CA10: variants seen among roughly 807,000 people sequenced by gnomAD.
The protein encoded by CA10 is carbonic anhydrase 10 (inactive).
Under a neutral mutation model 44.2 loss-of-function variants are expected in CA10, and 14 were observed. The observed-to-expected ratio is 0.32, with a 90% CI of 0.21 to 0.50. CA10 has a LOEUF of 0.50. Among genes scored for constraint, CA10 ranks in the 20% least tolerant of loss-of-function variants. The pLI is 0.99. For synonymous variants in CA10, 159 were observed against 141.6 expected (o/e 1.12, Z -0.87); for missense variants, 350 against 409.7 (o/e 0.85, Z 1.26).
chr17:51,775,232 G>A (rs1905775103), intron 3 of CA10, among the ~76,000 whole-genome samples: 1 of 152,164 alleles, frequency 6.6e-6, no homozygotes, highest in African/African-American at 2.4e-5. Flanking sequence ...TTACTCTCTT[G>A]GCTGTGCTGG....
chr17:51,787,010 C>G (rs1321547279), intron 3 of CA10, among the ~76,000 whole-genome samples: 2 of 152,154 alleles, frequency 1.3e-5, no homozygotes. Context: ...ATCTTTGCAT[C>G]CCAGGGATAA....
intron 2 of CA10, among the ~76,000 whole-genome samples, chr17:52,064,539 T>G (rs1265081585): frequency 1.3e-5 from 2 of 149,162 alleles, no homozygotes; most frequent in African/African-American, 2.5e-5. Context: ...AAGAAGAGCT[T>G]ACACTCCTTA....
intron 1 of CA10, among the ~76,000 whole-genome samples, chr17:52,086,088 T>C (rs930857493): frequency 6.6e-6 from 1 of 152,218 alleles, no homozygotes; most frequent in African/African-American, 2.4e-5. Flanking sequence ...ACTCATTATG[T>C]TTGCATACTC....
chr17:51,977,197 A>C (rs910384076), intron 2 of CA10, among the ~76,000 whole-genome samples: 1 of 152,016 alleles, frequency 6.6e-6, no homozygotes, highest in Non-Finnish European at 1.5e-5. Flanking sequence ...TGAAAATAGC[A>C]TATCTTTGAT....
intron 4 of CA10, among the ~76,000 whole-genome samples, chr17:51,655,653 T>C (rs1913766882): frequency 6.6e-6 from 1 of 152,214 alleles, no homozygotes; most frequent in Non-Finnish European, 1.5e-5. Context: ...CATCAAAAGC[T>C]TACCAGCTAG....
chr17:51,755,164 G>T (rs1377564884), intron 3 of CA10, among the ~76,000 whole-genome samples: 1 of 152,134 alleles, frequency 6.6e-6, no homozygotes, highest in Non-Finnish European at 1.5e-5. Flanking sequence ...AACTTTTCTT[G>T]TTAAAGAACA....
At chr17:51,835,109 GTAGA>G (rs1908428000) in intron 3 of CA10, among the ~76,000 whole-genome samples, 1 of 152,172 alleles carries the variant, frequency 6.6e-6, no homozygotes. Flanking sequence ...CAATGGTGTT[GTAGA>G]TAAACATCTT....
At chr17:52,142,851 A>C (rs1411880003) in intron 1 of CA10, among the ~76,000 whole-genome samples, 2 of 152,230 alleles carry the variant, frequency 1.3e-5, no homozygotes, top group Non-Finnish European at 2.9e-5. Context: ...TAACTTACCC[A>C]AAGCCAACCA....
rs183325391 is a variant in CA10 at position 52,005,979 on chromosome 17, A to G, written c.136+66340T>C. Among the ~76,000 whole-genome samples the G allele has an allele frequency of 5.2e-4, 79 of 151,950 alleles. No homozygotes were observed. The Middle Eastern group carries it at 0.02, about 39-fold the overall frequency. On this transcript the variant is annotated intron_variant, in intron 2 of 8. Transcript: ENST00000451037. The stretch of plus-strand genomic sequence containing the variant: ...ACTGCCTTTATGTATAAAAATTTCC[A>G]TCACACAGAGAGCGTCCTTTGTTCT...
chr17:52,081,501 A>G (rs1407425906), intron 1 of CA10, among the ~76,000 whole-genome samples: 2 of 152,188 alleles, frequency 1.3e-5, no homozygotes, highest in Non-Finnish European at 2.9e-5. Context: ...ATAGAACATC[A>G]TAAGATTTAG....
intron 3 of CA10, among the ~76,000 whole-genome samples, chr17:51,760,505 A>G (rs1028916925): frequency 6.6e-6 from 1 of 152,066 alleles, no homozygotes; most frequent in Non-Finnish European, 1.5e-5. Context: ...CATCTCTTGG[A>G]TGTCTTTGGG....
intron 1 of CA10, among the ~76,000 whole-genome samples, chr17:52,142,088 G>A (rs553556899): frequency 6.6e-6 from 1 of 152,304 alleles, no homozygotes; most frequent in South Asian, 2.1e-4. Flanking sequence ...TAGGATTCAG[G>A]TGGGTCAAAA....
chr17:51,800,753 T>C (rs762936343), intron 3 of CA10, among the ~76,000 whole-genome samples: 29 of 152,220 alleles, frequency 1.9e-4, no homozygotes, highest in Non-Finnish European at 1.3e-4. Context: ...CAATGAATTA[T>C]GGCATGTGTT....
rs759372080 is a variant in CA10, at chr17:51,631,165, T to C, written c.*419A>G. 3.4e-5 allele frequency: 6 copies of C among 175,458 alleles called. No individual in the cohort carries two copies. Among genetic ancestry groups the C allele is most frequent in the Non-Finnish European group, 7.3e-5 (6 of 82,536 alleles). The allele number at this position is 175,458 out of a possible 1,614,324, so 10.9% of individuals were successfully genotyped here. A position where few individuals can be genotyped will look rare whatever the true frequency, so the allele number is the denominator to read the frequency against. On this transcript the variant is annotated 3_prime_UTR_variant, in exon 9 of 9. Coordinates refer to ENST00000451037, the MANE Select transcript of CA10 (RefSeq NM_020178.5). ...TTCTCCTCTCTCTTTTGGAAGAATT[T>C]TGTATGTACAAAGGCTGAAAAGTCT...
chr17:52,007,538 T>C (rs1260059562), intron 2 of CA10, among the ~76,000 whole-genome samples: 2 of 151,734 alleles, frequency 1.3e-5, no homozygotes, highest in East Asian at 3.9e-4. Context: ...TGAGAGATTT[T>C]TATGAATTTT....
At chr17:52,011,905 T>C (rs1210416080) in intron 2 of CA10, among the ~76,000 whole-genome samples, 1 of 152,056 alleles carries the variant, frequency 6.6e-6, no homozygotes, top group Non-Finnish European at 1.5e-5. Flanking sequence ...CTCAAGGGTA[T>C]GGTGGTGAAC....
chr17:51,942,085 T>C (rs1983098856), intron 2 of CA10, among the ~76,000 whole-genome samples: 1 of 152,148 alleles, frequency 6.6e-6, no homozygotes, highest in African/African-American at 2.4e-5. Context: ...TTACAGCCCA[T>C]TGCAGCAGTG....
chr17:51,891,135 C>T (rs986610584), intron 3 of CA10, among the ~76,000 whole-genome samples: 1 of 152,140 alleles, frequency 6.6e-6, no homozygotes, highest in African/African-American at 2.4e-5. Context: ...CCAAAACAAT[C>T]ACATCTACTA....
At chr17:52,153,731 G>A (rs911275557) in intron 1 of CA10, among the ~76,000 whole-genome samples, 3 of 152,110 alleles carry the variant, frequency 2.0e-5, no homozygotes, top group Admixed American at 6.5e-5. Context: ...TATGGAAAAA[G>A]GTAAAAGCTC....
Sources: gnomAD v4.1 joint callset for allele counts (sites outside exome capture counted in the v4.1 genomes callset) on GRCh38, gnomAD v4.1.1 for gene constraint, MANE v1.5 for transcripts, NCBI Gene and HGNC (gene_info 2026-07-23, HGNC 2026-07-21) for gene names.